TMEM87A: variants seen among roughly 807,000 people sequenced by gnomAD.
TMEM87A encodes Golgi-pH regulating cation channel.
Under a neutral mutation model 90.0 loss-of-function variants are expected in TMEM87A, and 50 were observed. That is an observed-to-expected ratio of 0.56 (90% CI 0.44 to 0.70). The LOEUF is 0.70. Ranked by LOEUF, TMEM87A falls within the 30% of genes least tolerant of loss-of-function variation. The pLI is 0.00. For synonymous variants in TMEM87A, 226 were observed against 226.7 expected, an observed-to-expected ratio of 1.00 and a Z score of 0.03; for missense variants, 577 against 660.5, an observed-to-expected ratio of 0.87 and a Z score of 1.39.
intron 7 of TMEM87A, among the ~76,000 whole-genome samples, 160 bp from the exon 8 acceptor site, chr15:42,239,891 T>G (rs576300810): frequency 2.1e-4 from 32 of 152,322 alleles, no homozygotes; most frequent in African/African-American, 7.5e-4. Flanking sequence ...GTACAGCACT[T>G]GGAAAGTCAT....
intron 7 of TMEM87A, among the ~76,000 whole-genome samples, chr15:42,242,927 G>A (rs1042780573): frequency 7.9e-5 from 12 of 152,194 alleles, no homozygotes; most frequent in East Asian, 3.9e-4. Flanking sequence ...GCGAAGTAAC[G>A]GTGGCTGCCA....
At chr15:42,226,933 A>G in intron 14 of TMEM87A, 24 bp from the exon 15 acceptor site, 2 of 1,592,460 alleles carry the variant, frequency 1.3e-6, no homozygotes, top group Non-Finnish European at 1.7e-6. Flanking sequence ...GAGAAGTACA[A>G]CATTTATACA....
chr15:42,267,879 G>A, intron 3 of TMEM87A, 68 bp downstream of exon 3: 7 of 1,286,136 alleles, frequency 5.4e-6, no homozygotes, highest in Non-Finnish European at 7.7e-6. Context: ...TTTCCTCTAT[G>A]AAATTAAGAG....
intron 4 of TMEM87A, 118 bp from the exon 5 acceptor site, chr15:42,261,367 T>G (rs1403909044): frequency 2.9e-6 from 2 of 691,016 alleles, no homozygotes; most frequent in Non-Finnish European, 4.5e-6. Flanking sequence ...GTAAATATAA[T>G]AACACAGCAT....
chr15:42,211,854 T>C, intron 19 of TMEM87A, 105 bp from the exon 20 acceptor site: 1 of 1,044,454 alleles, frequency 9.6e-7, no homozygotes. Context: ...GAGTACTTTA[T>C]GTTAATTAAA....
chr15:42,248,451 C>T (rs1216671457), intron 6 of TMEM87A, among the ~76,000 whole-genome samples: 1 of 152,102 alleles, frequency 6.6e-6, no homozygotes, highest in African/African-American at 2.4e-5. Context: ...TTTTGACATA[C>T]GTTCCATCAA....
At chr15:42,264,699 A>ATATATATATATATATATATAT (rs10681614) in intron 3 of TMEM87A, among the ~76,000 whole-genome samples, 7 of 109,436 alleles carry the variant, frequency 6.4e-5, no homozygotes, top group African/African-American at 2.2e-4. Flanking sequence ...ATATATATAT[A>ATATATATATATATATATATAT]TTTTTTTTTT....
intron 2 of TMEM87A, among the ~76,000 whole-genome samples, chr15:42,270,245 C>G (rs1321907991): frequency 6.6e-6 from 1 of 151,900 alleles, no homozygotes; most frequent in Non-Finnish European, 1.5e-5. Flanking sequence ...TGGCACGCGC[C>G]TATAGTCCCA....
chr15:42,264,313 G>T, intron 3 of TMEM87A, 110 bp from the exon 4 acceptor site: 1 of 688,054 alleles, frequency 1.5e-6, no homozygotes, highest in South Asian at 1.9e-5. Flanking sequence ...TTTTGAGTTT[G>T]CTATTTTAAA....
chr15:42,255,428 G>A (rs1005522685), intron 6 of TMEM87A, among the ~76,000 whole-genome samples: 15 of 151,904 alleles, frequency 9.9e-5, no homozygotes, highest in East Asian at 3.9e-4. Context: ...CACCGCACCC[G>A]GCCAACTTTT....
At chr15:42,268,182 C>T (rs2051443260) in intron 2 of TMEM87A, 150 bp from the exon 3 acceptor site, 3 of 544,520 alleles carry the variant, frequency 5.5e-6, no homozygotes, top group Non-Finnish European at 6.3e-6. Context: ...TGAAATAATA[C>T]ATGCAAAAAG....
chr15:42,272,121 C>T lies in TMEM87A; in HGVS notation c.147G>A (p.Gly49=). 1.2e-6 allele frequency: 2 copies of T among 1,605,422 alleles called. No individual in the cohort carries two copies. The highest frequency in any genetic ancestry group is 8.5e-7 in the Non-Finnish European group (1 of 1,175,728). ...TCTTTCCAAAACTAAAATAATTTTT[C>T]CCCTGCAAACATAAAGGAAAGATAA... ...RSKWHIPIPS[G]KNYFSFGKIL... Residue 49 remains glycine (G), a splice_region_variant and synonymous_variant, in exon 2 of 20, where the codon GGG becomes GGA. Coordinates refer to ENST00000389834, the MANE Select transcript of TMEM87A (RefSeq NM_015497.5).
intron 6 of TMEM87A, among the ~76,000 whole-genome samples, chr15:42,247,730 A>T (rs1295973238): frequency 2.0e-5 from 3 of 152,174 alleles, no homozygotes; most frequent in Non-Finnish European, 4.4e-5. Context: ...TGATGCCTCC[A>T]ACTTTGTTCT....
At chr15:42,271,816 T>C (rs934560894) in intron 2 of TMEM87A, among the ~76,000 whole-genome samples, 2 of 150,698 alleles carry the variant, frequency 1.3e-5, no homozygotes, top group African/African-American at 4.9e-5. Context: ...ACATTATATA[T>C]ACTAATATAT....
chr15:42,267,172 G>A (rs186455507), intron 3 of TMEM87A, among the ~76,000 whole-genome samples: 24 of 152,290 alleles, frequency 1.6e-4, no homozygotes, highest in African/African-American at 5.8e-4. Context: ...TTAGCTAAGT[G>A]TGAAATGAGT....
At chr15:42,251,265 G>C (rs1365896983) in intron 6 of TMEM87A, among the ~76,000 whole-genome samples, 1 of 152,118 alleles carries the variant, frequency 6.6e-6, no homozygotes, top group Non-Finnish European at 1.5e-5. Context: ...TTCATTATCT[G>C]TCCAGCTTTG....
rs577490254 is a variant in TMEM87A at position 42,249,898 on chromosome 15, G to A, written c.505-5731C>T. ...AAAGTCTCTCATTATTATTGTGTGC[G>A]AGTCTAAGTCTCTTTGTAGGTCTCT... On this transcript the variant is annotated intron_variant, in intron 6 of 19. Transcript: ENST00000389834. Among the ~76,000 whole-genome samples, 43 of 152,270 alleles carry A rather than the reference G, an allele frequency of 2.8e-4. 2 individuals are homozygous for A. The South Asian group carries it at 8.1e-3, about 29-fold the overall frequency.
At position 42,211,583 on chromosome 15, in the gene TMEM87A, A is replaced by G. The variant is rs186737188; in HGVS notation, c.*125T>C. The G allele has an allele frequency of 7.5e-6, 7 of 934,254 alleles. No individual in the cohort carries two copies. The African/African-American group carries it at 1.2e-4, about 16-fold the overall frequency. 57.9% of individuals were successfully genotyped at this position (934,254 alleles called of 1,614,324 possible). A position where few individuals can be genotyped will look rare whatever the true frequency, so the allele number is the denominator to read the frequency against. On this transcript the variant is annotated 3_prime_UTR_variant, in exon 20 of 20. Coordinates refer to ENST00000389834, the MANE Select transcript of TMEM87A (RefSeq NM_015497.5). ...CACCTCTCGCCAACTCCAATGCCCAAAGATCAAGGAACAGATCAGGATGTC... is the reference window on the plus strand; with the variant it reads ...CACCTCTCGCCAACTCCAATGCCCAGAGATCAAGGAACAGATCAGGATGTC...
upstream of TMEM87A, chr15:42,273,520 G>A (rs2075961607): frequency 6.8e-7 from 1 of 1,480,984 alleles, no homozygotes. Context: ...GAGCTTGTTT[G>A]CTGTGCGGCG....
Sources: gnomAD v4.1 joint callset for allele counts (sites outside exome capture counted in the v4.1 genomes callset) on GRCh38, gnomAD v4.1.1 for gene constraint, MANE v1.5 for transcripts, NCBI Gene and HGNC (gene_info 2026-07-23, HGNC 2026-07-21) for gene names.